The following KIAA1328 variants were observed in gnomAD, a reference collection of about 807,000 sequenced individuals.
KIAA1328 encodes KIAA1328, also known as protein hinderin.
KIAA1328 carries 52 observed loss-of-function variants against 68.1 expected under a neutral mutation model. The ratio of observed to expected loss-of-function variants is 0.76; its 90% CI spans 0.61 to 0.96. The LOEUF is 0.96. Among genes scored for constraint, KIAA1328 ranks in the 40% least tolerant of loss-of-function variants. KIAA1328 has a pLI of 0.00. For synonymous variants in KIAA1328, 232 were observed against 239.4 expected, an observed-to-expected ratio of 0.97 and a Z score of 0.28; for missense variants, 641 against 677.6, an observed-to-expected ratio of 0.95 and a Z score of 0.60.
At chr18:37,190,644 T>C (rs2059888432) in intron 9 of KIAA1328, among the ~76,000 whole-genome samples, 1 of 152,198 alleles carries the variant, frequency 6.6e-6, no homozygotes, top group Non-Finnish European at 1.5e-5. Context: ...TTATTCTTTC[T>C]CTGAGCCTCT....
Position 37,225,219 on chromosome 18 carries a change from G to C in KIAA1328, c.*2992G>C. The C allele has an allele frequency of 1.0e-6, 1 of 985,438 alleles. No individual in the cohort carries two copies. The highest frequency in any genetic ancestry group is 1.2e-6 in the Non-Finnish European group (1 of 829,932). The allele number at this position is 985,438 out of a possible 1,614,324, so 61.0% of individuals were successfully genotyped here. On this transcript the variant is annotated 3_prime_UTR_variant, in exon 10 of 10. Transcript: ENST00000280020. ...GCTAAGAGAGATGGAGGCTGTGGCG[G>C]ACTCCTTCCAACTCACGATTTATCC... is the stretch of plus-strand genomic sequence containing the variant.
At chr18:36,984,359 A>G (rs187535036) in intron 6 of KIAA1328, among the ~76,000 whole-genome samples, 6 of 152,318 alleles carry the variant, frequency 3.9e-5, no homozygotes, top group Admixed American at 2.0e-4. Context: ...ATAGAGATGC[A>G]ATGAAATCTG....
At chr18:37,168,907 A>G (rs932159577) in intron 8 of KIAA1328, among the ~76,000 whole-genome samples, 1 of 152,052 alleles carries the variant, frequency 6.6e-6, no homozygotes, top group African/African-American at 2.4e-5. Flanking sequence ...AAATAAAACA[A>G]AGGGCCCAGA....
intron 6 of KIAA1328, among the ~76,000 whole-genome samples, chr18:36,983,124 A>G (rs1025777870): frequency 1.3e-5 from 2 of 152,074 alleles, no homozygotes; most frequent in African/African-American, 4.8e-5. Context: ...TATATAAATA[A>G]TCACATTATT....
intron 6 of KIAA1328, among the ~76,000 whole-genome samples, chr18:37,045,816 C>T (rs961356261): frequency 3.3e-5 from 5 of 152,262 alleles, no homozygotes; most frequent in African/African-American, 1.2e-4. Flanking sequence ...CCAAAGTTCA[C>T]AAATATGAAA....
intron 6 of KIAA1328, among the ~76,000 whole-genome samples, chr18:37,050,061 T>C (rs2151659869): frequency 6.6e-6 from 1 of 152,284 alleles, no homozygotes; most frequent in East Asian, 1.9e-4. Flanking sequence ...TTTGAATGAA[T>C]TTAAAAGAAC....
At chr18:37,126,263 A>G (rs1430716752) in intron 7 of KIAA1328, among the ~76,000 whole-genome samples, 1 of 152,190 alleles carries the variant, frequency 6.6e-6, no homozygotes, top group Non-Finnish European at 1.5e-5. Context: ...AAAGAACTCA[A>G]ACACTTCTAG....
At chr18:37,060,978 GGTGGTGTGTGCCTGT>G in intron 6 of KIAA1328, among the ~76,000 whole-genome samples, 1 of 152,172 alleles carries the variant, frequency 6.6e-6, no homozygotes, top group Non-Finnish European at 1.5e-5. Context: ...AGCCGGCCAT[GGTGGTGTGTGCCTGT>G]AGTCCCAGCT....
chr18:37,013,848 T>C (rs184966592), intron 6 of KIAA1328, among the ~76,000 whole-genome samples: 1 of 152,356 alleles, frequency 6.6e-6, no homozygotes, highest in East Asian at 1.9e-4. Context: ...TATTTTCTTT[T>C]GCATACATAC....
At chr18:37,007,276 G>T (rs776815234) in intron 6 of KIAA1328, among the ~76,000 whole-genome samples, 2 of 152,118 alleles carry the variant, frequency 1.3e-5, no homozygotes, top group Non-Finnish European at 2.9e-5. Context: ...AACCAATAAG[G>T]CAAAGATAGC....
chr18:36,881,594 A>T (rs1459715532), intron 4 of KIAA1328, among the ~76,000 whole-genome samples: 1 of 152,202 alleles, frequency 6.6e-6, no homozygotes, highest in African/African-American at 2.4e-5. Flanking sequence ...TATATGCATT[A>T]GCACTCACTG....
chr18:37,113,985 A>G (rs2058024963), intron 7 of KIAA1328, among the ~76,000 whole-genome samples: 1 of 152,228 alleles, frequency 6.6e-6, no homozygotes, highest in African/African-American at 2.4e-5. Flanking sequence ...TGCACCCAAT[A>G]CAGGAGTACC....
intron 6 of KIAA1328, among the ~76,000 whole-genome samples, chr18:36,976,620 T>G (rs2052482712): frequency 6.6e-6 from 1 of 151,894 alleles, no homozygotes; most frequent in African/African-American, 2.4e-5. Flanking sequence ...AGTGTAATAT[T>G]TATTACGTTG....
At position 37,063,671 on chromosome 18, in the gene KIAA1328, G is replaced by A. The variant is rs529925826; in HGVS notation, c.577-3219G>A. 57 of 985,304 alleles carry A rather than the reference G, an allele frequency of 5.8e-5. No homozygotes were observed. The Admixed American group carries it at 9.2e-4, about 16-fold the overall frequency. 61.0% of individuals were successfully genotyped at this position (985,304 alleles called of 1,614,324 possible). A position where few individuals can be genotyped will look rare whatever the true frequency, so the allele number is the denominator to read the frequency against. ...GCATTGCTCTCTAGGCAAAGCATTC[G>A]TTAAAATCATTAAGCTGTACTACCT... On this transcript the variant is annotated intron_variant, in intron 6 of 9. Transcript: ENST00000280020.
At chr18:37,057,427 ATT>A (rs529618213) in intron 6 of KIAA1328, among the ~76,000 whole-genome samples, 18,714 of 137,712 alleles carry the variant, frequency 0.14, 1,385 homozygotes, top group Non-Finnish European at 0.18. Context: ...AATTGCATGA[ATT>A]TTTTTTTTTT....
At chr18:37,066,604 C>G (rs942915396) in intron 6 of KIAA1328, among the ~76,000 whole-genome samples, 1 of 152,158 alleles carries the variant, frequency 6.6e-6, no homozygotes, top group Non-Finnish European at 1.5e-5. Context: ...ATGTAACTCT[C>G]TTTATTTGCA....
At chr18:37,192,161 GTGTGTGTGTGTGTGTATGTGTGTA>G (rs1424661623) in intron 9 of KIAA1328, among the ~76,000 whole-genome samples, 2 of 151,498 alleles carry the variant, frequency 1.3e-5, no homozygotes, top group African/African-American at 4.9e-5. Flanking sequence ...GTGTGTGTGT[GTGTGTGTGTGTGTGTATGTGTGTA>G]TGTGTGTTGC....
chr18:37,133,316 GA>G (rs879536664), intron 7 of KIAA1328, among the ~76,000 whole-genome samples: 302 of 119,976 alleles, frequency 2.5e-3, no homozygotes, highest in African/African-American at 6.9e-3. Context: ...TGGGCAATAA[GA>G]AAAAAAAAAA....
chr18:37,017,095 C>T (rs2054178528), intron 6 of KIAA1328, among the ~76,000 whole-genome samples: 2 of 152,012 alleles, frequency 1.3e-5, no homozygotes, highest in Admixed American at 1.3e-4. Context: ...TTTTTGAGGT[C>T]ATTTACGACT....
Sources: allele counts gnomAD v4.1 joint callset (sites outside exome capture counted in the v4.1 genomes callset), GRCh38; gene constraint gnomAD v4.1.1; transcripts MANE v1.5; gene names NCBI Gene and HGNC (gene_info 2026-07-23, HGNC 2026-07-21).